Variants in TUT7 observed in about 807,000 individuals in gnomAD.
TUT7 encodes the protein terminal uridylyltransferase 7.
Under a neutral mutation model 165.9 loss-of-function variants are expected in TUT7, and 33 were observed. That is an observed-to-expected ratio of 0.20 (90% CI 0.15 to 0.27). The LOEUF (loss-of-function observed/expected upper bound fraction) is 0.27, where lower values mean the gene tolerates loss of function less well. Among genes scored for constraint, TUT7 ranks in the 10% least tolerant of loss-of-function variants. TUT7 has a pLI of 1.00. For synonymous variants in TUT7, 552 were observed against 608.1 expected (o/e 0.91, Z 1.36); for missense variants, 1,338 against 1,762.3 (o/e 0.76, Z 4.31).
In TUT7 at chr9:86,301,365, T is replaced by A; in HGVS notation, c.4331A>T (p.Asp1444Val). ...RPPVEKWKRQ[D>V]DKDLREKRCF... ...ACGTTTTTCTCTTAAGTCTTTGTCA[T>A]CCTGTCTCTTCCATTTTTCTACTGG... Residue 1444 changes from aspartate (D) to valine (V), a missense_variant, in exon 26 of 27, where the codon GAT becomes GTT. By Grantham distance (152) the Asp-to-Val change is radical (BLOSUM62 -3). Coordinates refer to ENST00000375963, the MANE Select transcript of TUT7 (RefSeq NM_024617.4). 2.5e-6 allele frequency: 4 copies of A among 1,614,140 alleles called. No homozygotes were observed. The highest frequency in any genetic ancestry group is 3.4e-6 in the Non-Finnish European group (4 of 1,180,034).
intron 6 of TUT7, among the ~76,000 whole-genome samples, chr9:86,341,829 C>A (rs1831352959): frequency 6.6e-6 from 1 of 152,060 alleles, no homozygotes; most frequent in African/African-American, 2.4e-5. Context: ...TATCTCTGCC[C>A]AGACCTTGTC....
At chr9:86,325,185 C>T in intron 12 of TUT7, 149 bp downstream of exon 12, 1 of 701,422 alleles carries the variant, frequency 1.4e-6, no homozygotes, top group African/African-American at 1.8e-5. Flanking sequence ...ACTGTTAACA[C>T]ATGCAAGATT....
Position 86,353,154 on chromosome 9 carries a change from G to C in TUT7, c.46C>G (p.Arg16Gly). 1.9e-6 allele frequency: 3 copies of C among 1,605,278 alleles called. No homozygotes were observed. The highest frequency in any genetic ancestry group is 2.5e-6 in the Non-Finnish European group (3 of 1,177,624). Residue 16 changes from arginine to glycine, a missense_variant, in exon 2 of 27, where the codon CGG (arginine) becomes GGG (glycine). Arg to Gly is a moderately radical substitution (Grantham distance 125). This residue lies in a region of TUT7 where 434 missense variants were observed against 480.8 expected (regional missense o/e 0.90). Transcript: ENST00000375963. ...KPYFVKRTKD[R>G]GTMDDDDFRR... is the part of the protein sequence containing the mutation. ...AAGTCATCATCATCCATAGTCCCCC[G>C]GTCTTTAGTGCGCTTCACGAAATAA... is the stretch of plus-strand genomic sequence containing the variant.
intron 26 of TUT7, among the ~76,000 whole-genome samples, chr9:86,299,646 C>T (rs1056399928): frequency 2.6e-5 from 4 of 152,108 alleles, no homozygotes; most frequent in African/African-American, 4.8e-5. Flanking sequence ...CCGGACTACC[C>T]GCCCCGCATC....
intron 2 of TUT7, among the ~76,000 whole-genome samples, chr9:86,351,588 C>T (rs1564105351): frequency 1.3e-5 from 2 of 152,264 alleles, no homozygotes; most frequent in Non-Finnish European, 2.9e-5. Context: ...AGATAAAAGA[C>T]GACCTTTTGG....
chr9:86,312,339 C>T (rs1244451747), intron 17 of TUT7, among the ~76,000 whole-genome samples: 1 of 151,824 alleles, frequency 6.6e-6, no homozygotes, highest in Non-Finnish European at 1.5e-5. Flanking sequence ...AGACCCTCTG[C>T]CTGGCAACCG....
chr9:86,294,025 C>T (rs1222259492), intron 26 of TUT7, among the ~76,000 whole-genome samples: 2 of 152,142 alleles, frequency 1.3e-5, no homozygotes, highest in African/African-American at 2.4e-5. Context: ...GGATTATAGG[C>T]GTGAGCCATG....
At chr9:86,319,502 A>C (rs1829029982) in intron 15 of TUT7, 82 bp downstream of exon 15, 1 of 969,430 alleles carries the variant, frequency 1.0e-6, no homozygotes, top group Non-Finnish European at 1.5e-6. Context: ...TGATTCTCAA[A>C]ATCAGTGTGC....
intron 14 of TUT7, among the ~76,000 whole-genome samples, 160 bp from the exon 15 acceptor site, chr9:86,319,830 G>C (rs777378637): frequency 6.6e-6 from 1 of 151,974 alleles, no homozygotes; most frequent in East Asian, 1.9e-4. Context: ...ACAAGGTAAA[G>C]TTTGTTTTTT....
rs770822413 is a variant in TUT7, at chr9:86,304,840, T to C, written c.3978+16A>G. On this transcript the variant is annotated intron_variant, in intron 24 of 26. Transcript: ENST00000375963. ...TTTTTTTATTTTTTATTTTTTGGTATTTCCAACACACTTACCATTTTTGAG... is the reference window on the plus strand; with the variant it reads ...TTTTTTTATTTTTTATTTTTTGGTACTTCCAACACACTTACCATTTTTGAG... 7.1e-6 allele frequency: 11 copies of C among 1,554,204 alleles called. No homozygotes were observed. In the South Asian group the frequency reaches 1.3e-4, roughly 18 times the overall value.
chr9:86,312,037 G>A (rs557865263), intron 17 of TUT7, among the ~76,000 whole-genome samples: 21 of 152,184 alleles, frequency 1.4e-4, no homozygotes, highest in South Asian at 4.2e-4. Flanking sequence ...CTGCCCGGCC[G>A]CCACCCCGTC....
chr9:86,323,381 T>C lies in TUT7; in HGVS notation c.2369A>G (p.Glu790Gly), dbSNP rs951090639. 2 of 1,614,028 alleles carry C rather than the reference T, an allele frequency of 1.2e-6. No individual in the cohort carries two copies. Among genetic ancestry groups the C allele is most frequent in the African/African-American group, 2.7e-5 (2 of 74,942 alleles). The part of the protein sequence containing the change: ...NNESESTLDL[E>G]GFQNPTAKEC... ...TTTAGCTGTGGGATTTTGGAAGCCT[T>C]CTAAATCCAAAGTGCTCTCTGACTC... The change falls in exon 13 of 27, where the codon GAA becomes GGA. Residue 790 changes from glutamate to glycine, a missense_variant. By Grantham distance (98) the Glu-to-Gly change is moderately conservative (BLOSUM62 -2). This residue lies in a region of TUT7 where 425 missense variants were observed against 474.9 expected (regional missense o/e 0.89). Coordinates refer to ENST00000375963, the MANE Select transcript of TUT7 (RefSeq NM_024617.4).
intron 3 of TUT7, among the ~76,000 whole-genome samples, 185 bp from the exon 4 acceptor site, chr9:86,345,970 C>T (rs532705207): frequency 3.1e-4 from 47 of 152,182 alleles, no homozygotes; most frequent in South Asian, 1.0e-3. Context: ...TACTACAGCC[C>T]CAAACTCCTG....
At chr9:86,306,938 A>G (rs1278334197) in intron 22 of TUT7, among the ~76,000 whole-genome samples, 2 of 152,146 alleles carry the variant, frequency 1.3e-5, no homozygotes, top group Non-Finnish European at 2.9e-5. Flanking sequence ...TGTAAGAATT[A>G]GAAGCAAAAG....
intron 10 of TUT7, among the ~76,000 whole-genome samples, chr9:86,331,669 A>G (rs1830327370): frequency 6.6e-6 from 1 of 152,188 alleles, no homozygotes; most frequent in African/African-American, 2.4e-5. Context: ...GTTACAATTT[A>G]CATCTTTTGC....
chr9:86,341,736 T>C (rs896132888), intron 6 of TUT7, among the ~76,000 whole-genome samples: 25 of 152,166 alleles, frequency 1.6e-4, no homozygotes, highest in African/African-American at 6.0e-4. Context: ...TCCCTCCCGT[T>C]TCCCCCTCTC....
intron 17 of TUT7, among the ~76,000 whole-genome samples, chr9:86,313,358 A>C (rs564349282): frequency 7.2e-5 from 11 of 152,084 alleles, no homozygotes; most frequent in Non-Finnish European, 1.2e-4. Flanking sequence ...TACACAGAAG[A>C]AGCAAGGCAT....
chr9:86,330,880 C>CT (rs1242427796), intron 10 of TUT7, among the ~76,000 whole-genome samples: 90 of 142,882 alleles, frequency 6.3e-4, no homozygotes, highest in Middle Eastern at 3.8e-3. Context: ...TTTTTTCTTT[C>CT]TTTTTTTTTT....
intron 6 of TUT7, among the ~76,000 whole-genome samples, chr9:86,342,685 T>C (rs574195654): frequency 6.6e-6 from 1 of 152,320 alleles, no homozygotes; most frequent in East Asian, 1.9e-4. Flanking sequence ...AAAATAGGTA[T>C]ACAAAAAGAG....
Sources: allele counts gnomAD v4.1 joint callset (sites outside exome capture counted in the v4.1 genomes callset), GRCh38; gene constraint gnomAD v4.1.1; regional missense constraint gnomAD v4.1.1; transcripts MANE v1.5; gene names NCBI Gene and HGNC (gene_info 2026-07-23, HGNC 2026-07-21).